PCBP3: variants seen among roughly 807,000 people sequenced by gnomAD.
The protein encoded by PCBP3 is poly(rC)-binding protein 3.
A neutral mutation model predicts 52.7 loss-of-function variants in PCBP3; 25 were observed. The ratio of observed to expected loss-of-function variants is 0.47; its 90% CI spans 0.35 to 0.66. The LOEUF (loss-of-function observed/expected upper bound fraction) is 0.66, where lower values mean the gene tolerates loss of function less well. PCBP3 is among the 30% of genes least tolerant of loss of function. PCBP3 has a pLI of 0.01. For missense variants in PCBP3, 391 were observed against 490.3 expected, an observed-to-expected ratio of 0.80 and a Z score of 1.91; for synonymous variants, 162 against 183.0, an observed-to-expected ratio of 0.89 and a Z score of 0.93.
chr21:45,807,023 AAGTC>A (rs1380622076), intron 4 of PCBP3, among the ~76,000 whole-genome samples: 1 of 152,192 alleles, frequency 6.6e-6, no homozygotes, highest in Non-Finnish European at 1.5e-5. Context: ...CCTTTCAAGA[AAGTC>A]AGCTTTAAAA....
chr21:45,683,232 C>T (rs1468379305), intron 2 of PCBP3, among the ~76,000 whole-genome samples: 2 of 152,036 alleles, frequency 1.3e-5, no homozygotes, highest in African/African-American at 4.8e-5. Flanking sequence ...TTTGGTGATC[C>T]CCACAAAGCT....
At chr21:45,787,511 C>A (rs2091246799) in intron 4 of PCBP3, among the ~76,000 whole-genome samples, 1 of 152,130 alleles carries the variant, frequency 6.6e-6, no homozygotes. Flanking sequence ...TCCGCCCTGG[C>A]CCCCCACAGT....
intron 5 of PCBP3, among the ~76,000 whole-genome samples, chr21:45,850,739 TC>T (rs1490692068): frequency 2.0e-5 from 3 of 152,250 alleles, no homozygotes; most frequent in African/African-American, 7.2e-5. Flanking sequence ...CATGTTACTT[TC>T]TAAGCATACA....
chr21:45,924,402 A>G (rs868399810), intron 13 of PCBP3, among the ~76,000 whole-genome samples: 7 of 117,422 alleles, frequency 6.0e-5, no homozygotes, highest in African/African-American at 2.6e-4. Context: ...CACACGTAAG[A>G]TCGGGTGTGC....
rs767893465 is a variant in PCBP3, at chr21:45,827,192, C to T, written c.-125-22769C>T. On this transcript the variant is annotated intron_variant, in intron 4 of 17. Transcript: ENST00000681687. This position sits in a 1 kb window ranked among gnomAD's most constrained non-coding sequence, Gnocchi z 4.3. ...GGCATCAGCTGAGGGACAAGGAGCC[C>T]TTCCCATCTGGGCATCAGCTGAGGC... Among the ~76,000 whole-genome samples, 20 of 152,208 alleles carry T rather than the reference C, an allele frequency of 1.3e-4. No homozygotes were observed. Among genetic ancestry groups the T allele is most frequent in the Non-Finnish European group, 2.8e-4 (19 of 68,040 alleles).
At chr21:45,808,866 A>G (rs2146968943) in intron 4 of PCBP3, among the ~76,000 whole-genome samples, 1 of 152,354 alleles carries the variant, frequency 6.6e-6, no homozygotes, top group East Asian at 1.9e-4. Context: ...GCCATAAAAA[A>G]GGATGAGTTC....
At chr21:45,717,615 A>G (rs907762888) in intron 2 of PCBP3, among the ~76,000 whole-genome samples, 2 of 152,032 alleles carry the variant, frequency 1.3e-5, no homozygotes, top group Non-Finnish European at 2.9e-5. Context: ...CCTTTATTCC[A>G]TTAATATGAT....
intron 10 of PCBP3, among the ~76,000 whole-genome samples, chr21:45,909,791 C>CCCGGCCCACCCACTGCCCAGATACGGA (rs2096300944): frequency 2.6e-4 from 1 of 3,882 alleles, no homozygotes; most frequent in Non-Finnish European, 5.6e-4. Flanking sequence ...CAGATACGGA[C>CCCGGCCCACCCACTGCCCAGATACGGA]CCCCCCCCCA....
intron 5 of PCBP3, among the ~76,000 whole-genome samples, chr21:45,865,872 C>A (rs1247526912): frequency 6.6e-6 from 1 of 152,194 alleles, no homozygotes; most frequent in Non-Finnish European, 1.5e-5. Flanking sequence ...CCCCCCACAG[C>A]CGGAGCCTCC....
Position 45,800,868 on chromosome 21 carries a change from C to T in PCBP3, c.-126+45416C>T, listed in dbSNP as rs568150106. ...ATGGGGTGTTTGAGCATGGGGTTCC[C>T]GCCTCCTCCTCCAAGTGACTTTCCT... On this transcript the variant is annotated intron_variant, in intron 4 of 17. Transcript: ENST00000681687. This position sits in a 1 kb window ranked among gnomAD's most constrained non-coding sequence, Gnocchi z 5.3. Among the ~76,000 whole-genome samples, 34 of 148,812 alleles carry T rather than the reference C, an allele frequency of 2.3e-4. 1 individual carries two copies. Among genetic ancestry groups the T allele is most frequent in the South Asian group, 6.2e-4 (3 of 4,822 alleles).
At chr21:45,771,638 A>G (rs2089873912) in intron 4 of PCBP3, among the ~76,000 whole-genome samples, 1 of 152,198 alleles carries the variant, frequency 6.6e-6, no homozygotes, top group African/African-American at 2.4e-5. Context: ...TTTATGAAAA[A>G]TCTAGAGCTA....
At position 45,821,491 on chromosome 21, in the gene PCBP3, C is replaced by T. The variant is rs900580629; in HGVS notation, c.-125-28470C>T. Among the ~76,000 whole-genome samples, 5 of 151,222 alleles carry T rather than the reference C, an allele frequency of 3.3e-5. No individual in the cohort carries two copies. Among genetic ancestry groups the T allele is most frequent in the East Asian group, 3.9e-4 (2 of 5,128 alleles). ...CTAGAACACTCTTCCCCCTGCACCA[C>T]GCTGTGGGCCCTGTGCCTTCCCCTA... On this transcript the variant is annotated intron_variant, in intron 4 of 17. Transcript: ENST00000681687. This position sits in a 1 kb window ranked among gnomAD's most constrained non-coding sequence, Gnocchi z 4.4.
intron 5 of PCBP3, among the ~76,000 whole-genome samples, chr21:45,868,917 A>G (rs1008771462): frequency 1.3e-5 from 2 of 152,240 alleles, no homozygotes; most frequent in Non-Finnish European, 2.9e-5. Flanking sequence ...AGATCCTGCC[A>G]CAGCAAAGCT....
At chr21:45,762,481 C>CTTCTCT (rs1440812461) in intron 4 of PCBP3, 9 of 106,058 alleles carry the variant, frequency 8.5e-5, no homozygotes, top group African/African-American at 2.5e-4. Context: ...TTTTTCTTTT[C>CTTCTCT]TTTTCTTCTC....
chr21:45,938,996 C>T (rs1003857177), intron 16 of PCBP3, among the ~76,000 whole-genome samples: 10 of 152,246 alleles, frequency 6.6e-5, no homozygotes, highest in African/African-American at 2.2e-4. Context: ...TTCCATCCAG[C>T]GTCTTACTGG....
chr21:45,820,714 G>A (rs549805761), intron 4 of PCBP3, among the ~76,000 whole-genome samples: 1 of 152,224 alleles, frequency 6.6e-6, no homozygotes, highest in Admixed American at 6.5e-5. Context: ...GAGTTCCTGG[G>A]ACCTGGGGGA....
intron 4 of PCBP3, among the ~76,000 whole-genome samples, chr21:45,787,271 G>A (rs760899666): frequency 6.6e-6 from 1 of 152,112 alleles, no homozygotes; most frequent in Non-Finnish European, 1.5e-5. Flanking sequence ...TTGAGACAGG[G>A]TCTTGCTCTG....
intron 4 of PCBP3, among the ~76,000 whole-genome samples, chr21:45,809,090 A>C (rs113749080): frequency 0.012 from 1,841 of 152,288 alleles, 56 homozygotes; most frequent in African/African-American, 0.042. Flanking sequence ...CCTAATGTAG[A>C]TAATGGGTTG....
intron 2 of PCBP3, among the ~76,000 whole-genome samples, chr21:45,679,451 T>C (rs2081693520): frequency 6.6e-6 from 1 of 152,158 alleles, no homozygotes; most frequent in South Asian, 2.1e-4. Context: ...TTAAGGTATG[T>C]ACATTGTTTT....
Sources: allele counts gnomAD v4.1 joint callset (sites outside exome capture counted in the v4.1 genomes callset), GRCh38; gene constraint gnomAD v4.1.1; non-coding constraint Gnocchi (gnomAD v3.1); transcripts MANE v1.5; gene names NCBI Gene and HGNC (gene_info 2026-07-23, HGNC 2026-07-21).